Variants in EPB41L4B observed in about 807,000 individuals in gnomAD.
The protein encoded by EPB41L4B is band 4.1-like protein 4B.
In EPB41L4B, 30 loss-of-function variants were observed where a neutral mutation model predicts 112.5. The ratio of observed to expected loss-of-function variants is 0.27; its 90% CI spans 0.20 to 0.36. The LOEUF (loss-of-function observed/expected upper bound fraction) is 0.36, where lower values mean the gene tolerates loss of function less well. Ranked by LOEUF, EPB41L4B falls within the 10% of genes least tolerant of loss-of-function variation. The pLI is 1.00. For synonymous variants in EPB41L4B, 408 were observed against 439.7 expected (o/e 0.93, Z 0.90); for missense variants, 1,024 against 1,133.3 (o/e 0.90, Z 1.38).
chr9:109,220,183 A>T (rs1370160168), intron 15 of EPB41L4B, among the ~76,000 whole-genome samples: 1 of 152,088 alleles, frequency 6.6e-6, no homozygotes, highest in African/African-American at 2.4e-5. Context: ...TTATTTTGTC[A>T]TTTGTGTGTG....
intron 15 of EPB41L4B, chr9:109,240,464 C>T: frequency 3.0e-6 from 3 of 985,168 alleles, no homozygotes; most frequent in Non-Finnish European, 3.6e-6. Context: ...CTAACATGGG[C>T]AAAATTACAA....
At chr9:109,275,795 C>A (rs562597794) in intron 2 of EPB41L4B, among the ~76,000 whole-genome samples, 1 of 152,074 alleles carries the variant, frequency 6.6e-6, no homozygotes, top group South Asian at 2.1e-4. Context: ...CCTGAAATTG[C>A]AAAATTTGAG....
chr9:109,184,184 A>C (rs1422349341), intron 23 of EPB41L4B, among the ~76,000 whole-genome samples: 1 of 151,992 alleles, frequency 6.6e-6, no homozygotes, highest in Non-Finnish European at 1.5e-5. Context: ...GACAGATAAG[A>C]CTCTCAGATC....
At chr9:109,223,768 C>T (rs1446269964) in intron 15 of EPB41L4B, among the ~76,000 whole-genome samples, 1 of 152,164 alleles carries the variant, frequency 6.6e-6, no homozygotes, top group Admixed American at 6.5e-5. Context: ...CCTGTAATCC[C>T]ACCACTTTGG....
chr9:109,204,622 G>C (rs913684123), intron 18 of EPB41L4B, among the ~76,000 whole-genome samples: 1 of 152,082 alleles, frequency 6.6e-6, no homozygotes, highest in Non-Finnish European at 1.5e-5. Flanking sequence ...CTCCAGATTA[G>C]CTGGGACTAC....
At chr9:109,187,451 T>C (rs1027192346) in intron 22 of EPB41L4B, among the ~76,000 whole-genome samples, 1 of 152,090 alleles carries the variant, frequency 6.6e-6, no homozygotes, top group African/African-American at 2.4e-5. Context: ...GTTGACTGTT[T>C]CTAAATCTAG....
intron 25 of EPB41L4B, 65 bp from the exon 26 acceptor site, chr9:109,174,688 A>G: frequency 7.3e-7 from 1 of 1,366,474 alleles, no homozygotes; most frequent in Non-Finnish European, 1.0e-6. Context: ...CAGACAGCTT[A>G]AGTATCATCT....
At chr9:109,257,278 G>T (rs1358185898) in intron 7 of EPB41L4B, among the ~76,000 whole-genome samples, 1 of 152,134 alleles carries the variant, frequency 6.6e-6, no homozygotes, top group Admixed American at 6.6e-5. Flanking sequence ...GGCAGTGTTT[G>T]GGGAAGATGG....
intron 19 of EPB41L4B, among the ~76,000 whole-genome samples, chr9:109,201,577 G>A (rs1161394365): frequency 6.6e-6 from 1 of 152,146 alleles, no homozygotes. Context: ...AAGGGAACAT[G>A]GTCCCTGAAG....
chr9:109,284,814 C>T (rs1314067414), intron 1 of EPB41L4B, among the ~76,000 whole-genome samples: 1 of 152,328 alleles, frequency 6.6e-6, no homozygotes, highest in African/African-American at 2.4e-5. Context: ...AACAACCCAC[C>T]CTTTGGATAT....
chr9:109,196,466 C>G (rs2417998), intron 20 of EPB41L4B, among the ~76,000 whole-genome samples: 105,969 of 152,080 alleles, frequency 0.7, 37,059 homozygotes, highest in Middle Eastern at 0.73. Flanking sequence ...TGCCTGTAAT[C>G]CCGGCACTCT....
intron 16 of EPB41L4B, among the ~76,000 whole-genome samples, chr9:109,214,062 G>C (rs1833278701): frequency 6.6e-6 from 1 of 152,102 alleles, no homozygotes; most frequent in Non-Finnish European, 1.5e-5. Context: ...TTGCCTCTCT[G>C]ACCCTCTGAG....
rs1268273488 is a variant in EPB41L4B, at chr9:109,207,905, A to G, written c.1878+19T>C. The G allele has an allele frequency of 6.2e-7, 1 of 1,613,876 alleles. No individual in the cohort carries two copies. Among genetic ancestry groups the G allele is most frequent in the Non-Finnish European group, 8.5e-7 (1 of 1,179,932 alleles). ...AATCCTATAACATGAAATCAAAGGAATGTATGCATTCTGCGCACCTGGATG... is the reference window on the plus strand; with the variant it reads ...AATCCTATAACATGAAATCAAAGGAGTGTATGCATTCTGCGCACCTGGATG... On this transcript the variant is annotated intron_variant, in intron 18 of 25. Transcript: ENST00000374566.
At chr9:109,249,318 G>T (rs1449450573) in intron 13 of EPB41L4B, among the ~76,000 whole-genome samples, 1 of 151,816 alleles carries the variant, frequency 6.6e-6, no homozygotes, top group Non-Finnish European at 1.5e-5. Flanking sequence ...TAAGCGTTCC[G>T]CAAGGTGCTA....
chr9:109,271,607 A>C (rs1249881317), intron 2 of EPB41L4B, among the ~76,000 whole-genome samples: 2 of 152,150 alleles, frequency 1.3e-5, no homozygotes, highest in African/African-American at 4.8e-5. Flanking sequence ...GCATTTAGTA[A>C]ACTGTATCCT....
At chr9:109,254,446 C>G (rs1326492947) in intron 11 of EPB41L4B, among the ~76,000 whole-genome samples, 1 of 143,170 alleles carries the variant, frequency 7.0e-6, no homozygotes, top group Non-Finnish European at 1.5e-5. Context: ...AAGTTCATAG[C>G]TATTTCCTCA....
At chr9:109,206,329 T>C (rs1372117863) in intron 18 of EPB41L4B, among the ~76,000 whole-genome samples, 1 of 152,076 alleles carries the variant, frequency 6.6e-6, no homozygotes, top group Non-Finnish European at 1.5e-5. Flanking sequence ...ATTATAGGCA[T>C]GCACCACCAC....
At chr9:109,238,502 G>A (rs1834231805) in intron 15 of EPB41L4B, among the ~76,000 whole-genome samples, 1 of 152,180 alleles carries the variant, frequency 6.6e-6, no homozygotes, top group Admixed American at 6.5e-5. Flanking sequence ...TAATCCATTT[G>A]CTGAGCAGAC....
chr9:109,274,746 T>C (rs1564311941), intron 2 of EPB41L4B, among the ~76,000 whole-genome samples: 1 of 152,272 alleles, frequency 6.6e-6, no homozygotes, highest in Non-Finnish European at 1.5e-5. Flanking sequence ...TTCTGAATCC[T>C]GGCTTTAACC....
Sources: allele counts gnomAD v4.1 joint callset (sites outside exome capture counted in the v4.1 genomes callset), GRCh38; gene constraint gnomAD v4.1.1; transcripts MANE v1.5; gene names NCBI Gene and HGNC (gene_info 2026-07-23, HGNC 2026-07-21).